CNTNAP2: variants seen among roughly 807,000 people sequenced by gnomAD.
The protein encoded by CNTNAP2 is contactin-associated protein-like 2.
Under a neutral mutation model 155.2 loss-of-function variants are expected in CNTNAP2, and 98 were observed. The observed-to-expected ratio is 0.63, with a 90% confidence interval of 0.54 to 0.75. CNTNAP2 has a LOEUF of 0.75. Among genes scored for constraint, CNTNAP2 ranks in the 30% least tolerant of loss-of-function variants. CNTNAP2 has a pLI of 0.00. For missense variants in CNTNAP2, 1,727 were observed against 1,688.1 expected, an observed-to-expected ratio of 1.02 and a Z score of -0.40; for synonymous variants, 651 against 631.2, an observed-to-expected ratio of 1.03 and a Z score of -0.47.
At chr7:146,426,212 T>TAAAAAAAAAAAAAAAAAAAA (rs1554431713) in intron 1 of CNTNAP2, among the ~76,000 whole-genome samples, 14 of 113,268 alleles carry the variant, frequency 1.2e-4, no homozygotes, top group African/African-American at 4.9e-4. Context: ...AAAAAAAAAT[T>TAAAAAAAAAAAAAAAAAAAA]AAAACTTAAG....
At chr7:146,568,470 C>T (rs1395440417) in intron 1 of CNTNAP2, among the ~76,000 whole-genome samples, 1 of 152,220 alleles carries the variant, frequency 6.6e-6, no homozygotes, top group Admixed American at 6.5e-5. Flanking sequence ...TTATCAACCT[C>T]TTTCATTGCT....
chr7:147,829,781 T>C (rs1203671226), intron 13 of CNTNAP2, among the ~76,000 whole-genome samples: 3 of 152,040 alleles, frequency 2.0e-5, no homozygotes, highest in African/African-American at 4.8e-5. Context: ...ACAGTAACAA[T>C]TGGAACAGGC....
intron 21 of CNTNAP2, among the ~76,000 whole-genome samples, chr7:148,299,445 G>T: frequency 6.6e-6 from 1 of 152,242 alleles, no homozygotes; most frequent in African/African-American, 2.4e-5. Context: ...GGAAGGCTGG[G>T]CAGAGCCAGC....
At chr7:146,245,026 C>T (rs1256431026) in intron 1 of CNTNAP2, among the ~76,000 whole-genome samples, 1 of 152,068 alleles carries the variant, frequency 6.6e-6, no homozygotes, top group Non-Finnish European at 1.5e-5. Context: ...GGATAGATTT[C>T]CATGATGGAA....
At chr7:146,167,742 C>T (rs74502109) in intron 1 of CNTNAP2, among the ~76,000 whole-genome samples, 2,333 of 152,188 alleles carry the variant, frequency 0.015, 23 homozygotes, top group Middle Eastern at 0.027. Context: ...TCCAGAGGAA[C>T]AGAACTAATA....
At chr7:147,470,094 A>C (rs1798190169) in intron 10 of CNTNAP2, among the ~76,000 whole-genome samples, 1 of 152,080 alleles carries the variant, frequency 6.6e-6, no homozygotes, top group Non-Finnish European at 1.5e-5. Flanking sequence ...GACCATTGTA[A>C]GCTTTCTTTT....
intron 16 of CNTNAP2, among the ~76,000 whole-genome samples, chr7:148,126,092 C>T (rs1368179728): frequency 6.6e-6 from 1 of 152,016 alleles, no homozygotes; most frequent in Non-Finnish European, 1.5e-5. Context: ...TTACTTCTGA[C>T]TGGAGAAGGA....
Position 146,813,821 on chromosome 7 carries a change from G to A in CNTNAP2, c.209-25890G>A, listed in dbSNP as rs575204177. 8.5e-5 allele frequency among the ~76,000 whole-genome samples: 13 copies of A among 152,170 alleles called. No homozygotes were observed. The East Asian group carries it at 1.6e-3, about 18-fold the overall frequency. On this transcript the variant is annotated intron_variant, in intron 2 of 23. Coordinates refer to ENST00000361727, the MANE Select transcript of CNTNAP2 (RefSeq NM_014141.6). ...TCCCCATGTGTCATGGGAGAGACCCGGTGGGAAGTAATTGAATCATGGGGA... is the reference window on the plus strand; with the variant it reads ...TCCCCATGTGTCATGGGAGAGACCCAGTGGGAAGTAATTGAATCATGGGGA...
intron 1 of CNTNAP2, among the ~76,000 whole-genome samples, chr7:146,709,746 A>T (rs1001697193): frequency 6.6e-6 from 1 of 152,146 alleles, no homozygotes; most frequent in Non-Finnish European, 1.5e-5. Context: ...GGAGGGCCAG[A>T]CTGGAGTTGA....
At chr7:146,638,179 G>T (rs953239026) in intron 1 of CNTNAP2, among the ~76,000 whole-genome samples, 1 of 152,120 alleles carries the variant, frequency 6.6e-6, no homozygotes, top group Non-Finnish European at 1.5e-5. Context: ...CTAAAGGGGC[G>T]CTTATGACTA....
intron 11 of CNTNAP2, among the ~76,000 whole-genome samples, chr7:147,509,175 G>T (rs1308306243): frequency 6.6e-6 from 1 of 152,068 alleles, no homozygotes; most frequent in Non-Finnish European, 1.5e-5. Context: ...CTCAGCTCAA[G>T]TCTCTTTGAT....
intron 2 of CNTNAP2, among the ~76,000 whole-genome samples, chr7:146,811,565 A>G (rs1803066831): frequency 6.6e-6 from 1 of 151,444 alleles, no homozygotes; most frequent in Admixed American, 6.6e-5. Flanking sequence ...AATTTTGTTT[A>G]TGTTTTCAAA....
chr7:147,661,988 C>A (rs1445382363), intron 13 of CNTNAP2, among the ~76,000 whole-genome samples: 5 of 152,140 alleles, frequency 3.3e-5, no homozygotes, highest in African/African-American at 1.2e-4. Context: ...TACCAAGGAC[C>A]TCTCCTTAAG....
At position 147,191,428 on chromosome 7, in the gene CNTNAP2, G is replaced by A. The variant is rs17170357; in HGVS notation, c.1348+58919G>A. Among the ~76,000 whole-genome samples, 1,314 of 152,228 alleles carry A rather than the reference G, an allele frequency of 8.6e-3. 18 individuals carry two copies. The highest frequency in any genetic ancestry group is 0.029 in the African/African-American group (1,212 of 41,530). On this transcript the variant is annotated intron_variant, in intron 8 of 23. Transcript: ENST00000361727. ...CCTGTGTAAAAACGCAAAGTTCATG[G>A]GCTTTACAGGCTGTGCTCACAAGTC...
chr7:146,318,349 TATC>T (rs1342820588), intron 1 of CNTNAP2, among the ~76,000 whole-genome samples: 3 of 152,160 alleles, frequency 2.0e-5, no homozygotes, highest in South Asian at 2.1e-4. Context: ...AAAACAATCT[TATC>T]ATTGTAGATG....
chr7:147,507,499 C>A (rs1045634045), intron 11 of CNTNAP2, among the ~76,000 whole-genome samples: 2 of 147,036 alleles, frequency 1.4e-5, no homozygotes, highest in Non-Finnish European at 3.0e-5. Flanking sequence ...TTGATGTTAA[C>A]TTATATAAAT....
At chr7:148,166,996 C>T (rs1342723069) in intron 17 of CNTNAP2, among the ~76,000 whole-genome samples, 1 of 152,150 alleles carries the variant, frequency 6.6e-6, no homozygotes, top group African/African-American at 2.4e-5. Flanking sequence ...AAAGTACCTT[C>T]TAGCTCACTG....
chr7:148,063,586 A>AT (rs201810938), intron 15 of CNTNAP2, among the ~76,000 whole-genome samples: 319 of 140,190 alleles, frequency 2.3e-3, no homozygotes, highest in African/African-American at 6.6e-3. Flanking sequence ...TCTTTTTTTA[A>AT]TTTTTTTTTT....
intron 12 of CNTNAP2, among the ~76,000 whole-genome samples, chr7:147,581,501 T>C (rs1438847658): frequency 6.6e-6 from 1 of 152,168 alleles, no homozygotes; most frequent in East Asian, 1.9e-4. Flanking sequence ...GTACATAGCA[T>C]GGCAAAATGA....
Sources: gnomAD v4.1 joint callset for allele counts (sites outside exome capture counted in the v4.1 genomes callset) on GRCh38, gnomAD v4.1.1 for gene constraint, MANE v1.5 for transcripts, NCBI Gene and HGNC (gene_info 2026-07-23, HGNC 2026-07-21) for gene names.